Variants in CCDC148 observed in about 807,000 individuals in gnomAD.
The protein encoded by CCDC148 is coiled-coil domain-containing protein 148.
In CCDC148, 89 loss-of-function variants were observed where a neutral mutation model predicts 85.7. The observed-to-expected ratio is 1.04, with a 90% CI of 0.87 to 1.24. The LOEUF is 1.24. CCDC148 is among the 50% of genes most tolerant of loss of function. The pLI, the probability that CCDC148 is intolerant of heterozygous loss-of-function variation, is 0.00. For missense variants in CCDC148, 692 were observed against 671.7 expected (o/e 1.03, Z -0.33); for synonymous variants, 230 against 213.9 (o/e 1.08, Z -0.66).
chr2:158,258,886 T>C (rs991873772), intron 9 of CCDC148, among the ~76,000 whole-genome samples: 2 of 151,718 alleles, frequency 1.3e-5, no homozygotes, highest in African/African-American at 4.8e-5. Context: ...CTTTCAATAG[T>C]TTCTACTGCT....
At chr2:158,312,740 T>C (rs990117645) in intron 8 of CCDC148, among the ~76,000 whole-genome samples, 1 of 152,072 alleles carries the variant, frequency 6.6e-6, no homozygotes, top group African/African-American at 2.4e-5. Context: ...ATTTAATAAA[T>C]GAAAGTTATT....
intron 7 of CCDC148, among the ~76,000 whole-genome samples, chr2:158,334,880 G>T (rs1029127119): frequency 6.6e-6 from 1 of 151,984 alleles, no homozygotes; most frequent in Non-Finnish European, 1.5e-5. Flanking sequence ...TTAAAGTTTG[G>T]CTGATTTTAC....
At chr2:158,353,774 A>AT (rs1354742879) in intron 2 of CCDC148, among the ~76,000 whole-genome samples, 1 of 152,056 alleles carries the variant, frequency 6.6e-6, no homozygotes, top group Non-Finnish European at 1.5e-5. Context: ...CAGAATATAC[A>AT]TTTTTTTCAG....
intron 9 of CCDC148, among the ~76,000 whole-genome samples, chr2:158,286,515 A>G (rs925981979): frequency 7.9e-5 from 12 of 152,244 alleles, no homozygotes; most frequent in Non-Finnish European, 1.8e-4. Flanking sequence ...AATAGTTTCC[A>G]AAATGTAATG....
At chr2:158,349,388 G>A (rs1159136034) in intron 2 of CCDC148, among the ~76,000 whole-genome samples, 2 of 151,874 alleles carry the variant, frequency 1.3e-5, no homozygotes, top group Non-Finnish European at 2.9e-5. Flanking sequence ...TAGAGAGAAT[G>A]TGTTAGCTAT....
chr2:158,189,694 TA>T (rs1474893085), intron 11 of CCDC148, among the ~76,000 whole-genome samples: 7 of 151,946 alleles, frequency 4.6e-5, no homozygotes, highest in Non-Finnish European at 7.4e-5. Context: ...AAATAATATT[TA>T]CCTTTCCATA....
chr2:158,194,014 A>T (rs1397721529), intron 11 of CCDC148, among the ~76,000 whole-genome samples: 4 of 151,404 alleles, frequency 2.6e-5, no homozygotes, highest in Non-Finnish European at 5.9e-5. Context: ...CTTAAAGTAT[A>T]ATAAAAAAAA....
chr2:158,200,983 C>G (rs1328160918), intron 11 of CCDC148, among the ~76,000 whole-genome samples: 2 of 152,166 alleles, frequency 1.3e-5, no homozygotes, highest in Non-Finnish European at 2.9e-5. Context: ...TTCCCTGCCC[C>G]AGACCTGGAA....
intron 1 of CCDC148, among the ~76,000 whole-genome samples, chr2:158,379,748 A>C (rs965267099): frequency 1.3e-5 from 2 of 152,184 alleles, no homozygotes; most frequent in Admixed American, 1.3e-4. Context: ...GGCATTTTTT[A>C]GCACTAAAGG....
intron 10 of CCDC148, among the ~76,000 whole-genome samples, chr2:158,243,636 T>C (rs916493944): frequency 1.1e-4 from 16 of 152,160 alleles, no homozygotes; most frequent in African/African-American, 3.4e-4. Context: ...CAGAAGGGTC[T>C]TTTATATAAC....
At chr2:158,401,546 G>C (rs2602183) in intron 1 of CCDC148, among the ~76,000 whole-genome samples, 1 of 152,032 alleles carries the variant, frequency 6.6e-6, no homozygotes, top group Non-Finnish European at 1.5e-5. Flanking sequence ...CCTGTTGGGT[G>C]GTGGGGGACT....
chr2:158,194,549 G>T (rs1160294239), intron 11 of CCDC148, among the ~76,000 whole-genome samples: 1 of 152,106 alleles, frequency 6.6e-6, no homozygotes, highest in Non-Finnish European at 1.5e-5. Context: ...GAGGATTCCT[G>T]GGCCTGCCCT....
At chr2:158,448,217 TG>T (rs1373134052) in intron 1 of CCDC148, among the ~76,000 whole-genome samples, 3 of 152,238 alleles carry the variant, frequency 2.0e-5, no homozygotes, top group African/African-American at 7.2e-5. Flanking sequence ...TCTATTTCAT[TG>T]ATCTAAGTGT....
chr2:158,428,088 T>G (rs1240881706), intron 1 of CCDC148, among the ~76,000 whole-genome samples: 2 of 152,144 alleles, frequency 1.3e-5, no homozygotes, highest in East Asian at 3.9e-4. Flanking sequence ...TGCTCAGATC[T>G]GATCTTTGGA....
At position 158,177,701 on chromosome 2, in the gene CCDC148, A is replaced by C. The variant is rs185930872; in HGVS notation, c.1489-1040T>G. On this transcript the variant is annotated intron_variant, in intron 12 of 13. Transcript: ENST00000283233. ...GTAGGATCCAGGATTACCAGGACTT[A>C]CATTCCTATGCTTTAAATTTATCTT... 9.2e-5 allele frequency among the ~76,000 whole-genome samples: 14 copies of C among 152,316 alleles called. No individual in the cohort carries two copies. In the East Asian group the frequency reaches 2.7e-3, roughly 29 times the overall value.
chr2:158,224,435 C>A (rs1259948802), intron 10 of CCDC148, among the ~76,000 whole-genome samples: 4 of 152,120 alleles, frequency 2.6e-5, no homozygotes, highest in African/African-American at 9.7e-5. Flanking sequence ...GCAAGGCAGG[C>A]CAACATTCAA....
At chr2:158,248,457 C>T (rs540957123) in intron 10 of CCDC148, among the ~76,000 whole-genome samples, 13 of 152,110 alleles carry the variant, frequency 8.5e-5, no homozygotes, top group African/African-American at 1.4e-4. Flanking sequence ...TAAAATAAGT[C>T]GTATGCCTTG....
At chr2:158,198,177 C>G (rs923867378) in intron 11 of CCDC148, among the ~76,000 whole-genome samples, 5 of 152,096 alleles carry the variant, frequency 3.3e-5, no homozygotes, top group African/African-American at 9.7e-5. Context: ...AAGAAAACAC[C>G]TGACTCATCC....
rs576061701 is a variant in CCDC148, at chr2:158,182,976, C to T, written c.1371-3980G>A. Among the ~76,000 whole-genome samples the T allele has an allele frequency of 9.9e-5, 15 of 152,260 alleles. No individual in the cohort carries two copies. The South Asian group carries it at 3.1e-3, about 32-fold the overall frequency. ...AGATTTTCTCCAAATTAAACTGTTG[C>T]TATGAAAGTCAATGTCAGGAAGTGG... On this transcript the variant is annotated intron_variant, in intron 11 of 13. Transcript: ENST00000283233.
Sources: gnomAD v4.1 joint callset for allele counts (sites outside exome capture counted in the v4.1 genomes callset) on GRCh38, gnomAD v4.1.1 for gene constraint, MANE v1.5 for transcripts, NCBI Gene and HGNC (gene_info 2026-07-23, HGNC 2026-07-21) for gene names.